ISM1: variants seen among roughly 807,000 people sequenced by gnomAD.
The protein encoded by ISM1 is isthmin 1, also known as isthmin-1.
Under a neutral mutation model 46.3 loss-of-function variants are expected in ISM1, and 25 were observed. The observed-to-expected ratio is 0.54, with a 90% CI of 0.39 to 0.75. The LOEUF (loss-of-function observed/expected upper bound fraction) is 0.75. Among genes scored for constraint, ISM1 ranks in the 30% least tolerant of loss-of-function variants. The probability of loss-of-function intolerance (pLI) is 0.00; values close to 1 mark genes in which losing one functional copy is unlikely to be tolerated. For missense variants in ISM1, 536 were observed against 625.4 expected, an observed-to-expected ratio of 0.86 and a Z score of 1.52; for synonymous variants, 255 against 256.7, an observed-to-expected ratio of 0.99 and a Z score of 0.06.
chr20:13,292,282 T>G, intron 4 of ISM1, 92 bp from the exon 5 acceptor site: 1 of 769,112 alleles, frequency 1.3e-6, no homozygotes, highest in Non-Finnish European at 2.2e-6. Flanking sequence ...AAAAAAGGCT[T>G]TGTTCAGGTG....
chr20:13,273,792 C>G (rs541079536), intron 2 of ISM1, among the ~76,000 whole-genome samples: 1 of 152,294 alleles, frequency 6.6e-6, no homozygotes, highest in Non-Finnish European at 1.5e-5. Flanking sequence ...ACATTTTTGC[C>G]TACTGCCCAG....
chr20:13,271,867 C>G (rs1012180287), intron 2 of ISM1, among the ~76,000 whole-genome samples: 2 of 152,178 alleles, frequency 1.3e-5, no homozygotes, highest in African/African-American at 4.8e-5. Context: ...CAGCCCCTAC[C>G]TCCCAGGCTC....
At chr20:13,222,019 C>T in intron 1 of ISM1, 105 bp downstream of exon 1, 1 of 1,069,428 alleles carries the variant, frequency 9.4e-7, no homozygotes, top group Non-Finnish European at 1.2e-6. Flanking sequence ...GTCCCCTGCC[C>T]CACCTAAGAG....
At chr20:13,323,729 A>T in the ISM1 span, among the ~76,000 whole-genome samples, 1 of 152,176 alleles carries the variant, frequency 6.6e-6, no homozygotes, top group African/African-American at 2.4e-5. Context: ...AATGTTCTTA[A>T]ATGAGAGTAT....
the ISM1 span, among the ~76,000 whole-genome samples, chr20:13,326,678 G>A: frequency 7.7e-4 from 117 of 152,142 alleles, no homozygotes; most frequent in African/African-American, 2.6e-3. Flanking sequence ...TGCCCAGTCA[G>A]GTCTTTTGTT....
At chr20:13,235,312 A>G (rs765943068) in intron 1 of ISM1, among the ~76,000 whole-genome samples, 4 of 152,238 alleles carry the variant, frequency 2.6e-5, no homozygotes, top group African/African-American at 4.8e-5. Context: ...TTCATCAGCC[A>G]AAGCAAGTCA....
chr20:13,299,082 C>G lies in ISM1; in HGVS notation c.1018C>G (p.Arg340Gly). Residue 340 changes from arginine (R) to glycine (G), a missense_variant, in exon 6 of 6, where the codon CGC becomes GGC. By Grantham distance (125) the Arg-to-Gly change is moderately radical. Coordinates refer to ENST00000262487, the MANE Select transcript of ISM1 (RefSeq NM_080826.2). The surrounding 1 kb of genome is among the most constrained non-coding windows in gnomAD (Gnocchi z 5.8). ...CTACAGCACGGCCGACATCTTCGAC[C>G]GCATCAAGCGCAAGGACTTCCGCTG... ...VAYSTADIFD[R>G]IKRKDFRWKD... 1 of 1,613,778 alleles carries G rather than the reference C, an allele frequency of 6.2e-7. No individual in the cohort carries two copies. Among genetic ancestry groups the G allele is most frequent in the Non-Finnish European group, 8.5e-7 (1 of 1,179,846 alleles).
At chr20:13,319,053 G>A in the ISM1 span, among the ~76,000 whole-genome samples, 1 of 152,190 alleles carries the variant, frequency 6.6e-6, no homozygotes, top group Admixed American at 6.5e-5. Flanking sequence ...AGGTTCATCA[G>A]TTGTAACAAA....
At chr20:13,243,779 C>A (rs1326226897) in intron 1 of ISM1, among the ~76,000 whole-genome samples, 4 of 152,260 alleles carry the variant, frequency 2.6e-5, no homozygotes, top group Admixed American at 2.0e-4. Flanking sequence ...AACTAATCAG[C>A]AAAACATGGT....
At chr20:13,268,301 C>T (rs899200426) in intron 1 of ISM1, among the ~76,000 whole-genome samples, 1 of 150,746 alleles carries the variant, frequency 6.6e-6, no homozygotes, top group South Asian at 2.1e-4. Flanking sequence ...TCTCTTCCTT[C>T]TCTTCTCTTT....
the ISM1 span, among the ~76,000 whole-genome samples, chr20:13,319,733 C>T: frequency 1.3e-5 from 2 of 152,184 alleles, no homozygotes; most frequent in Admixed American, 1.3e-4. Context: ...GATTAACCCC[C>T]TCCCCCCTGC....
At chr20:13,233,891 A>G (rs1206998751) in intron 1 of ISM1, among the ~76,000 whole-genome samples, 1 of 152,212 alleles carries the variant, frequency 6.6e-6, no homozygotes, top group Non-Finnish European at 1.5e-5. Context: ...CACCAGTATT[A>G]GCATCTCCTG....
At chr20:13,247,517 G>GGGGTGTGT (rs1183213178) in intron 1 of ISM1, among the ~76,000 whole-genome samples, 63 of 139,910 alleles carry the variant, frequency 4.5e-4, no homozygotes, top group African/African-American at 1.2e-3. Flanking sequence ...CAAAGTGAGG[G>GGGGTGTGT]GTGTGTGTGT....
At chr20:13,280,465 T>C (rs2040227775) in intron 3 of ISM1, among the ~76,000 whole-genome samples, 1 of 148,088 alleles carries the variant, frequency 6.8e-6, no homozygotes, top group South Asian at 2.2e-4. Flanking sequence ...GTAGGATAAG[T>C]GAGGTAACAC....
Position 13,221,881 on chromosome 20 carries a change from G to A in ISM1, c.105G>A (p.Ala35=). 1.4e-6 allele frequency: 2 copies of A among 1,407,190 alleles called. No homozygotes were observed. The highest frequency in any genetic ancestry group is 3.1e-5 in the South Asian group (2 of 65,084). 87.2% of individuals were successfully genotyped at this position (1,407,190 alleles called of 1,614,324 possible). ...RGSGAADGPD[A]AAGNASQAQL... ...CGGGAGCCGCCGACGGGCCCGACGC[G>A]GCCGCGGGCAACGCCAGCCAAGCCC... The change falls in exon 1 of 6, where the codon GCG becomes GCA. Residue 35 remains alanine (A), a synonymous_variant. Transcript: ENST00000262487.
At position 13,249,798 on chromosome 20, in the gene ISM1, T is replaced by C. The variant is rs56065957; in HGVS notation, c.139-20706T>C. Among the ~76,000 whole-genome samples the C allele has an allele frequency of 2.3e-4, 26 of 111,554 alleles. No individual in the cohort carries two copies. In the East Asian group the frequency reaches 4.4e-3, roughly 19 times the overall value. 73.2% of individuals were successfully genotyped at this position (111,554 alleles called of 152,430 possible). Reference sequence around the variant, plus strand: ...TTGTTGCGTTTTGTTTTGTTTTGTTTTGTTTTGTTTTGTTTTGTTTTGTTT... The same window carrying C: ...TTGTTGCGTTTTGTTTTGTTTTGTTCTGTTTTGTTTTGTTTTGTTTTGTTT... On this transcript the variant is annotated intron_variant, in intron 1 of 5. Coordinates refer to ENST00000262487, the MANE Select transcript of ISM1 (RefSeq NM_080826.2).
At chr20:13,270,802 A>T (rs2040105834) in intron 2 of ISM1, 59 bp downstream of exon 2, 2 of 1,538,556 alleles carry the variant, frequency 1.3e-6, no homozygotes, top group Admixed American at 3.7e-5. Context: ...TTGTTTTCTG[A>T]TGATTCCAGT....
chr20:13,288,676 C>A lies in ISM1; in HGVS notation c.780C>A (p.Asn260Lys), dbSNP rs1255959018. The A allele has an allele frequency of 6.2e-7, 1 of 1,613,596 alleles. No homozygotes were observed. Among genetic ancestry groups the A allele is most frequent in the Non-Finnish European group, 8.5e-7 (1 of 1,179,624 alleles). ...AATCGAGGACCTGTGACCGTCCAAA[C>A]TGCCCAGGTGCGTTTACCTGAGTGT... ...ATESRTCDRP[N>K]CPGIEDTFRT... The change falls in exon 4 of 6, where the codon AAC (asparagine) becomes AAA (lysine). Residue 260 changes from asparagine (N) to lysine (K), a missense_variant. Asn to Lys is a moderately conservative substitution (Grantham distance 94). Around this residue, in one of 2 missense-constraint regions of ISM1, gnomAD observed 367 missense variants for 376.1 expected, o/e 0.98. Coordinates refer to ENST00000262487, the MANE Select transcript of ISM1 (RefSeq NM_080826.2).
Position 13,225,044 on chromosome 20 carries a change from G to A in ISM1, c.138+3130G>A, listed in dbSNP as rs373319096. ...TTTTTTTTGTATTTTTAGTAGAGACGGGGTTTCACCGTGTTAGCCAGGATG... is the reference window on the plus strand; with the variant it reads ...TTTTTTTTGTATTTTTAGTAGAGACAGGGTTTCACCGTGTTAGCCAGGATG... On this transcript the variant is annotated intron_variant, in intron 1 of 5. Transcript: ENST00000262487. 4.1e-3 allele frequency among the ~76,000 whole-genome samples: 620 copies of A among 150,018 alleles called. 5 individuals carry two copies. Among genetic ancestry groups the A allele is most frequent in the East Asian group, 0.015 (78 of 5,104 alleles).
Sources: gnomAD v4.1 joint callset for allele counts (sites outside exome capture counted in the v4.1 genomes callset) on GRCh38, gnomAD v4.1.1 for gene constraint, gnomAD v4.1.1 regional missense constraint, Gnocchi (gnomAD v3.1) non-coding constraint, MANE v1.5 for transcripts, NCBI Gene and HGNC (gene_info 2026-07-23, HGNC 2026-07-21) for gene names.